The following RANBP2 variants were observed in gnomAD, a reference collection of about 807,000 sequenced individuals.
RANBP2 encodes the protein RAN binding protein 2.
A neutral mutation model predicts 303.6 loss-of-function variants in RANBP2; 57 were observed. That is an observed-to-expected ratio of 0.19 (90% confidence interval 0.15 to 0.23). RANBP2 has a LOEUF of 0.23. Among genes scored for constraint, RANBP2 ranks in the 10% least tolerant of loss-of-function variants. The pLI, the probability that RANBP2 is intolerant of heterozygous loss-of-function variation, is 1.00. For missense variants in RANBP2, 3,138 were observed against 3,780.8 expected, an observed-to-expected ratio of 0.83 and a Z score of 4.46; for synonymous variants, 1,167 against 1,301.5, an observed-to-expected ratio of 0.90 and a Z score of 2.23.
chr2:109,434,701 G>A, the RANBP2 span, among the ~76,000 whole-genome samples: 1 of 152,154 alleles, frequency 6.6e-6, no homozygotes, highest in East Asian at 1.9e-4. Context: ...TCTGCCCACG[G>A]TGTCATCCCA....
chr2:109,474,437 C>G, the RANBP2 span, among the ~76,000 whole-genome samples: 99 of 152,280 alleles, frequency 6.5e-4, no homozygotes, highest in African/African-American at 2.3e-3. Context: ...ACTGTGGATG[C>G]AGCTCGCTAC....
chr2:109,748,743 T>C, the RANBP2 span, among the ~76,000 whole-genome samples: 1 of 151,524 alleles, frequency 6.6e-6, no homozygotes, highest in East Asian at 1.9e-4. Context: ...CGTGGTGGCA[T>C]ATGCCTCTAA....
the RANBP2 span, among the ~76,000 whole-genome samples, chr2:109,334,487 G>T: frequency 8.6e-5 from 13 of 151,996 alleles, no homozygotes; most frequent in African/African-American, 3.1e-4. Flanking sequence ...GACTTTCCTC[G>T]CAATAAGGGC....
At chr2:109,037,828 C>T in the RANBP2 span, among the ~76,000 whole-genome samples, 1 of 152,194 alleles carries the variant, frequency 6.6e-6, no homozygotes, top group African/African-American at 2.4e-5. Flanking sequence ...GTAAATCCAA[C>T]CAAGTTCATG....
chr2:108,937,634 ATGTT>A, the RANBP2 span, among the ~76,000 whole-genome samples: 1 of 150,930 alleles, frequency 6.6e-6, no homozygotes, highest in Non-Finnish European at 1.5e-5. Context: ...CTGTATGTTT[ATGTT>A]TGTGTGTGTA....
the RANBP2 span, chr2:108,930,247 C>T: frequency 3.1e-6 from 5 of 1,614,080 alleles, no homozygotes; most frequent in Middle Eastern, 1.6e-4. Context: ...AGACACCTGC[C>T]AACAAAGGGG....
chr2:108,831,247 A>T, the RANBP2 span, among the ~76,000 whole-genome samples: 15 of 152,178 alleles, frequency 9.9e-5, no homozygotes, highest in Non-Finnish European at 1.8e-4. Flanking sequence ...AATGTATCTG[A>T]TGTAAATACA....
At chr2:109,720,854 C>T in the RANBP2 span, among the ~76,000 whole-genome samples, 1 of 152,220 alleles carries the variant, frequency 6.6e-6, no homozygotes, top group African/African-American at 2.4e-5. Flanking sequence ...CAAAAGCCCT[C>T]CCTCTCCTGA....
intron 1 of RANBP2, among the ~76,000 whole-genome samples, chr2:108,722,240 C>G (rs1201406906): frequency 6.6e-6 from 1 of 152,142 alleles, no homozygotes; most frequent in African/African-American, 2.4e-5. Context: ...TATGACACCT[C>G]TCTTACACTT....
chr2:109,692,045 G>A, the RANBP2 span, among the ~76,000 whole-genome samples: 1 of 152,096 alleles, frequency 6.6e-6, no homozygotes, highest in Non-Finnish European at 1.5e-5. Context: ...GCCTCCTAAA[G>A]TGCTGGGATT....
At chr2:109,119,243 A>G in the RANBP2 span, among the ~76,000 whole-genome samples, 1 of 152,234 alleles carries the variant, frequency 6.6e-6, no homozygotes, top group African/African-American at 2.4e-5. Flanking sequence ...CAGAATGGAC[A>G]CAACTCTTGG....
the RANBP2 span, among the ~76,000 whole-genome samples, chr2:109,046,128 C>A: frequency 6.6e-6 from 1 of 151,648 alleles, no homozygotes; most frequent in African/African-American, 2.4e-5. Flanking sequence ...CAGGGTGAAA[C>A]CCCGTCTCTA....
At chr2:109,577,008 T>C in the RANBP2 span, among the ~76,000 whole-genome samples, 3 of 151,922 alleles carry the variant, frequency 2.0e-5, no homozygotes, top group Non-Finnish European at 4.4e-5. Context: ...CAGGGTAAAT[T>C]AGAAATAATA....
chr2:109,461,689 C>T, the RANBP2 span, among the ~76,000 whole-genome samples: 7 of 151,796 alleles, frequency 4.6e-5, no homozygotes, highest in African/African-American at 1.7e-4. Context: ...GGTGATCCAC[C>T]TGCCAGAGGC....
At chr2:108,808,966 T>G in the RANBP2 span, among the ~76,000 whole-genome samples, 1 of 152,226 alleles carries the variant, frequency 6.6e-6, no homozygotes, top group Non-Finnish European at 1.5e-5. Flanking sequence ...TATTTCAAAG[T>G]CTTTAATCCA....
chr2:109,613,379 C>A, the RANBP2 span: 1 of 329,214 alleles, frequency 3.0e-6, no homozygotes, highest in South Asian at 2.6e-5. Flanking sequence ...GCCAGGGGAG[C>A]CGGGCTTTCT....
chr2:109,322,599 A>G, the RANBP2 span, among the ~76,000 whole-genome samples: 1 of 152,248 alleles, frequency 6.6e-6, no homozygotes, highest in Non-Finnish European at 1.5e-5. Flanking sequence ...TGCTGAATGA[A>G]TAAATCTGCA....
the RANBP2 span, among the ~76,000 whole-genome samples, chr2:109,054,252 G>GT: frequency 2.2e-4 from 33 of 152,202 alleles, no homozygotes; most frequent in Non-Finnish European, 4.0e-4. Flanking sequence ...GGCATCAGAC[G>GT]TGGTCTATGC....
the RANBP2 span, among the ~76,000 whole-genome samples, chr2:109,112,921 T>G: frequency 6.6e-6 from 1 of 152,160 alleles, no homozygotes; most frequent in Non-Finnish European, 1.5e-5. Flanking sequence ...TTTTCTCAGG[T>G]TTGTCAAAGA....
Sources: gnomAD v4.1 joint callset for allele counts (sites outside exome capture counted in the v4.1 genomes callset) on GRCh38, gnomAD v4.1.1 for gene constraint, MANE v1.5 for transcripts, NCBI Gene and HGNC (gene_info 2026-07-23, HGNC 2026-07-21) for gene names.